TENM2: variants seen among roughly 807,000 people sequenced by gnomAD.
The protein encoded by TENM2 is teneurin transmembrane protein 2, also known as teneurin-2.
Under a neutral mutation model 245.2 loss-of-function variants are expected in TENM2, and 52 were observed. That is an observed-to-expected ratio of 0.21 (90% CI 0.17 to 0.27). The LOEUF (loss-of-function observed/expected upper bound fraction) is 0.27. TENM2 is among the 10% of genes least tolerant of loss of function. The probability of loss-of-function intolerance (pLI) is 1.00; values close to 1 mark genes in which losing one functional copy is unlikely to be tolerated. For synonymous variants in TENM2, 1,363 were observed against 1,438.9 expected (o/e 0.95, Z 1.19); for missense variants, 3,046 against 3,666.8 (o/e 0.83, Z 4.37).
exon 15 of TENM2, chr5:168,195,193 G>A: frequency 5.6e-6 from 9 of 1,604,322 alleles, no homozygotes; most frequent in Non-Finnish European, 6.8e-6. Context: ...TCTCTCATCC[G>A]AGGCCAAGTA....
rs1452941255 is a variant in TENM2 at position 168,229,412 on chromosome 5, C to CCCTT, written c.5520+1285_5520+1288dup. 2.0e-5 allele frequency among the ~76,000 whole-genome samples: 3 copies of CCCTT among 152,130 alleles called. No individual in the cohort carries two copies. In the East Asian group the frequency reaches 5.8e-4, roughly 29 times the overall value. ...GAACAGTTCCTACCATCATGCTAAC[C>CCCTT]CCTTCCCTGGGGAGGGGGAATGTAA... On this transcript the variant is annotated intron_variant, in intron 25 of 28. Coordinates refer to ENST00000518659, the Ensembl canonical transcript of TENM2.
chr5:167,546,500 C>T (rs1160416537), intron 2 of TENM2, among the ~76,000 whole-genome samples: 5 of 152,100 alleles, frequency 3.3e-5, no homozygotes, highest in Non-Finnish European at 7.3e-5. Flanking sequence ...CTCAGACCTC[C>T]CCTCGATGAC....
At chr5:166,980,870 A>G in the TENM2 span, among the ~76,000 whole-genome samples, 2 of 152,170 alleles carry the variant, frequency 1.3e-5, no homozygotes, top group South Asian at 2.1e-4. Flanking sequence ...CAGAGGGAAA[A>G]TGTTGTTATT....
At chr5:167,789,516 G>T (rs1009640444) in intron 2 of TENM2, among the ~76,000 whole-genome samples, 1 of 152,180 alleles carries the variant, frequency 6.6e-6, no homozygotes, top group African/African-American at 2.4e-5. Context: ...GGCTGCTCCT[G>T]GTCCATGGGT....
At chr5:167,056,926 CCTTT>C in the TENM2 span, among the ~76,000 whole-genome samples, 30 of 150,342 alleles carry the variant, frequency 2.0e-4, no homozygotes, top group Non-Finnish European at 3.3e-4. Flanking sequence ...TGCCTGTGGT[CCTTT>C]CTTTCTTTCT....
chr5:167,858,737 C>G (rs991981732), intron 2 of TENM2, among the ~76,000 whole-genome samples: 8 of 150,802 alleles, frequency 5.3e-5, no homozygotes, highest in African/African-American at 1.9e-4. Context: ...CCGCAGCCGC[C>G]GCCGCCCGAC....
At chr5:167,277,324 C>T in the TENM2 span, among the ~76,000 whole-genome samples, 1 of 152,076 alleles carries the variant, frequency 6.6e-6, no homozygotes, top group Non-Finnish European at 1.5e-5. Context: ...TTTTTATTCA[C>T]TTTAATGTAT....
At chr5:167,328,204 G>GTTTTTTTTTTT (rs70976412) in intron 1 of TENM2, among the ~76,000 whole-genome samples, 4 of 91,028 alleles carry the variant, frequency 4.4e-5, no homozygotes, top group African/African-American at 1.9e-4. Context: ...TTCTCATATC[G>GTTTTTTTTTTT]TTTTTTTTTT....
intron 25 of TENM2, chr5:168,229,444 A>G (rs1321767288): frequency 6.6e-6 from 1 of 152,218 alleles, no homozygotes; most frequent in East Asian, 1.9e-4. Flanking sequence ...GTAATGGCAT[A>G]CAAAGCAAAG....
the TENM2 span, among the ~76,000 whole-genome samples, chr5:167,122,220 A>G: frequency 1.3e-5 from 2 of 152,110 alleles, no homozygotes; most frequent in Non-Finnish European, 1.5e-5. Flanking sequence ...CAATTTGTGT[A>G]TTTACCTCAC....
chr5:167,478,676 T>C (rs1366228968), intron 2 of TENM2, among the ~76,000 whole-genome samples: 1 of 152,182 alleles, frequency 6.6e-6, no homozygotes, highest in East Asian at 1.9e-4. Context: ...CTGTTTTAAA[T>C]AGCACAAAAG....
Position 168,111,784 on chromosome 5 carries a change from C to A in TENM2, c.1814-6508C>A, listed in dbSNP as rs868081093. Among the ~76,000 whole-genome samples the A allele has an allele frequency of 9.2e-5, 14 of 152,182 alleles. No homozygotes were observed. The Middle Eastern group carries it at 0.01, about 111-fold the overall frequency. The stretch of plus-strand genomic sequence containing the variant: ...GGGTGTAAGCAGCCTTATTTTTTTC[C>A]CCGATCAGATAAGCCAAAAATATTT... On this transcript the variant is annotated intron_variant, in intron 9 of 28. Coordinates refer to ENST00000518659, the Ensembl canonical transcript of TENM2.
At chr5:167,195,053 C>G in the TENM2 span, among the ~76,000 whole-genome samples, 1 of 151,910 alleles carries the variant, frequency 6.6e-6, no homozygotes, top group African/African-American at 2.4e-5. Context: ...TTATACTAAT[C>G]CATGCAATTA....
At chr5:167,070,145 TCTCAC>T in the TENM2 span, among the ~76,000 whole-genome samples, 3 of 68,190 alleles carry the variant, frequency 4.4e-5, no homozygotes, top group African/African-American at 2.1e-4. Context: ...TGAGACAGAG[TCTCAC>T]TCTGTCGCCC....
chr5:167,975,873 A>C (rs929511815), intron 4 of TENM2, among the ~76,000 whole-genome samples: 25 of 150,888 alleles, frequency 1.7e-4, no homozygotes, highest in African/African-American at 6.1e-4. Context: ...TAAATGCTTG[A>C]AATTGCTATA....
the TENM2 span, among the ~76,000 whole-genome samples, chr5:167,273,257 G>A: frequency 2.6e-5 from 4 of 152,164 alleles, no homozygotes; most frequent in Non-Finnish European, 5.9e-5. Context: ...AATGTGGAAT[G>A]TAACAGAATA....
chr5:167,353,594 G>A (rs1367315664), intron 1 of TENM2, among the ~76,000 whole-genome samples: 4 of 126,074 alleles, frequency 3.2e-5, no homozygotes, highest in African/African-American at 8.7e-5. Flanking sequence ...TGCAAGCTCC[G>A]CCTCCCGGGT....
At chr5:167,736,971 C>T (rs1760845238) in intron 2 of TENM2, among the ~76,000 whole-genome samples, 2 of 152,142 alleles carry the variant, frequency 1.3e-5, no homozygotes, top group South Asian at 2.1e-4. Context: ...CACAAGTCTC[C>T]CTACTGAATG....
At chr5:167,040,219 A>C in the TENM2 span, among the ~76,000 whole-genome samples, 1 of 152,070 alleles carries the variant, frequency 6.6e-6, no homozygotes, top group Non-Finnish European at 1.5e-5. Context: ...TCCTGACCCT[A>C]GTATCACAAG....
Sources: gnomAD v4.1 joint callset for allele counts (sites outside exome capture counted in the v4.1 genomes callset) on GRCh38, gnomAD v4.1.1 for gene constraint, MANE v1.5 for transcripts, NCBI Gene and HGNC (gene_info 2026-07-23, HGNC 2026-07-21) for gene names.